TDRD3: variants seen among roughly 807,000 people sequenced by gnomAD.
TDRD3 encodes the protein tudor domain-containing protein 3.
In TDRD3, 45 loss-of-function variants were observed where a neutral mutation model predicts 86.7. The observed-to-expected ratio is 0.52, with a 90% confidence interval of 0.41 to 0.67. TDRD3 has a LOEUF of 0.67. Among genes scored for constraint, TDRD3 ranks in the 30% least tolerant of loss-of-function variants. TDRD3 has a pLI of 0.00. For synonymous variants in TDRD3, 298 were observed against 301.7 expected, an observed-to-expected ratio of 0.99 and a Z score of 0.13; for missense variants, 814 against 889.0, an observed-to-expected ratio of 0.92 and a Z score of 1.07.
intron 12 of TDRD3, among the ~76,000 whole-genome samples, chr13:60,560,993 G>A (rs1174147325): frequency 6.6e-6 from 1 of 152,104 alleles, no homozygotes; most frequent in African/African-American, 2.4e-5. Context: ...GCTGGATGAG[G>A]TACATAAAAA....
At chr13:60,442,828 G>A (rs1472978471) in intron 2 of TDRD3, among the ~76,000 whole-genome samples, 2 of 151,934 alleles carry the variant, frequency 1.3e-5, no homozygotes, top group African/African-American at 4.8e-5. Context: ...CAGTGTCCTA[G>A]ATCATATGAT....
chr13:60,483,505 T>G (rs1365182118), intron 5 of TDRD3, among the ~76,000 whole-genome samples: 1 of 152,168 alleles, frequency 6.6e-6, no homozygotes. Context: ...AGAAGACTGT[T>G]TTCTCCTTAG....
chr13:60,417,605 G>A (rs544596372), intron 1 of TDRD3, among the ~76,000 whole-genome samples: 3 of 152,256 alleles, frequency 2.0e-5, no homozygotes, highest in Non-Finnish European at 2.9e-5. Flanking sequence ...GCCTCCCAAA[G>A]TGTTGGGATT....
chr13:60,558,021 C>T (rs1958241171), intron 12 of TDRD3, among the ~76,000 whole-genome samples: 1 of 151,988 alleles, frequency 6.6e-6, no homozygotes, highest in Non-Finnish European at 1.5e-5. Context: ...TGGGGTTTCA[C>T]CGTGTTGGCC....
At chr13:60,516,869 T>C (rs2137698867) in intron 10 of TDRD3, among the ~76,000 whole-genome samples, 1 of 152,318 alleles carries the variant, frequency 6.6e-6, no homozygotes, top group South Asian at 2.1e-4. Context: ...CCATTCTGCA[T>C]ATTGTGGTCA....
At chr13:60,530,293 T>G (rs1957550976) in intron 11 of TDRD3, among the ~76,000 whole-genome samples, 2 of 152,170 alleles carry the variant, frequency 1.3e-5, no homozygotes, top group Non-Finnish European at 1.5e-5. Flanking sequence ...GTTAATTAGT[T>G]AATTCTGGAG....
intron 7 of TDRD3, among the ~76,000 whole-genome samples, chr13:60,490,133 A>G (rs933424532): frequency 6.7e-6 from 1 of 150,086 alleles, no homozygotes; most frequent in Non-Finnish European, 1.5e-5. Flanking sequence ...CTTAAAACTA[A>G]CAAACAAACT....
chr13:60,497,678 C>T (rs1956747677), intron 8 of TDRD3, among the ~76,000 whole-genome samples: 1 of 152,074 alleles, frequency 6.6e-6, no homozygotes, highest in Admixed American at 6.5e-5. Context: ...AAAGTGAGGG[C>T]ATTGGTTGGA....
At chr13:60,477,957 T>G (rs965889215) in intron 5 of TDRD3, among the ~76,000 whole-genome samples, 4 of 152,232 alleles carry the variant, frequency 2.6e-5, no homozygotes, top group African/African-American at 9.6e-5. Flanking sequence ...GTATCAGTTC[T>G]TCTTTGTATG....
chr13:60,401,885 A>T (rs1954112216), intron 1 of TDRD3, among the ~76,000 whole-genome samples: 1 of 152,218 alleles, frequency 6.6e-6, no homozygotes, highest in South Asian at 2.1e-4. Flanking sequence ...CCTACAGCTT[A>T]TTAAGGTCTT....
chr13:60,470,984 A>G (rs2138097938), intron 5 of TDRD3, among the ~76,000 whole-genome samples: 1 of 152,156 alleles, frequency 6.6e-6, no homozygotes, highest in East Asian at 1.9e-4. Context: ...AGAAATTTCT[A>G]TTCAAGTCCT....
intron 12 of TDRD3, among the ~76,000 whole-genome samples, chr13:60,559,495 G>T (rs749613433): frequency 6.6e-6 from 1 of 152,048 alleles, no homozygotes; most frequent in African/African-American, 2.4e-5. Context: ...TTATATATTC[G>T]TTCCTGTACT....
intron 3 of TDRD3, among the ~76,000 whole-genome samples, chr13:60,452,211 T>G (rs1009901650): frequency 7.2e-5 from 11 of 152,166 alleles, no homozygotes; most frequent in African/African-American, 2.7e-4. Flanking sequence ...TTTTATAATT[T>G]ATTGGAAGTA....
intron 12 of TDRD3, among the ~76,000 whole-genome samples, chr13:60,563,262 T>A (rs556281607): frequency 6.7e-6 from 1 of 150,140 alleles, no homozygotes; most frequent in Admixed American, 6.6e-5. Flanking sequence ...AGGCGATTCA[T>A]TAAGTAAAAA....
At chr13:60,494,693 T>C (rs994507210) in intron 8 of TDRD3, 118 bp downstream of exon 8, 3 of 832,300 alleles carry the variant, frequency 3.6e-6, no homozygotes, top group Non-Finnish European at 5.1e-6. Flanking sequence ...GTTATAACTC[T>C]TGAAGGCTTT....
At chr13:60,457,903 C>T (rs561717953) in intron 3 of TDRD3, among the ~76,000 whole-genome samples, 4 of 152,282 alleles carry the variant, frequency 2.6e-5, no homozygotes, top group South Asian at 2.1e-4. Context: ...TAAGGACACT[C>T]GTCATTGGCT....
At chr13:60,402,730 T>A (rs969229830) in intron 1 of TDRD3, among the ~76,000 whole-genome samples, 13 of 132,980 alleles carry the variant, frequency 9.8e-5, no homozygotes, top group Non-Finnish European at 1.7e-4. Flanking sequence ...GGAGTTTCAC[T>A]CTTGTTGCCC....
At chr13:60,419,416 A>G (rs191496487) in intron 1 of TDRD3, among the ~76,000 whole-genome samples, 2 of 152,318 alleles carry the variant, frequency 1.3e-5, no homozygotes, top group Admixed American at 1.3e-4. Flanking sequence ...TAAAGAAAAT[A>G]TGGAACATAT....
In TDRD3 at chr13:60,479,564, A is replaced by T. The variant is rs185839091; in HGVS notation, c.496-4211A>T. ...CAGAATTTTTGTGTTATGTTTCTGC[A>T]TTGATGATTTGTCTAATGCTTTCAG... On this transcript the variant is annotated intron_variant, in intron 5 of 13. Transcript: ENST00000377881. Among the ~76,000 whole-genome samples the T allele has an allele frequency of 2.0e-5, 3 of 152,316 alleles. No individual in the cohort carries two copies. The East Asian group carries it at 5.8e-4, about 29-fold the overall frequency.
Sources: gnomAD v4.1 joint callset for allele counts (sites outside exome capture counted in the v4.1 genomes callset) on GRCh38, gnomAD v4.1.1 for gene constraint, MANE v1.5 for transcripts, NCBI Gene and HGNC (gene_info 2026-07-23, HGNC 2026-07-21) for gene names.